The following LRMDA variants were observed in gnomAD, a reference collection of about 807,000 sequenced individuals.
LRMDA encodes the protein leucine rich melanocyte differentiation associated.
In LRMDA, 18 loss-of-function variants were observed where a neutral mutation model predicts 29.8. The observed-to-expected ratio is 0.60, with a 90% confidence interval of 0.42 to 0.90. The LOEUF is 0.90. Among genes scored for constraint, LRMDA ranks in the 40% least tolerant of loss-of-function variants. The pLI, the probability that LRMDA is intolerant of heterozygous loss-of-function variation, is 0.00. For synonymous variants in LRMDA, 125 were observed against 109.4 expected (o/e 1.14, Z -0.89); for missense variants, 273 against 273.9 (o/e 1.00, Z 0.02).
chr10:76,007,767 C>T (rs1847698471), intron 2 of LRMDA, among the ~76,000 whole-genome samples: 1 of 152,120 alleles, frequency 6.6e-6, no homozygotes, highest in Non-Finnish European at 1.5e-5. Flanking sequence ...GATGCTCTTC[C>T]AAAGGATTTA....
At chr10:75,932,151 T>C (rs1043212839) in intron 2 of LRMDA, among the ~76,000 whole-genome samples, 12 of 152,248 alleles carry the variant, frequency 7.9e-5, no homozygotes, top group African/African-American at 2.9e-4. Flanking sequence ...TCTTTTGTTT[T>C]TTCCCTGTGG....
At chr10:75,965,533 T>C (rs190762423) in intron 2 of LRMDA, among the ~76,000 whole-genome samples, 2 of 152,240 alleles carry the variant, frequency 1.3e-5, no homozygotes, top group African/African-American at 4.8e-5. Context: ...GCATCCCAAT[T>C]CCATGAGTGG....
At chr10:76,459,086 A>G (rs1842486905) in intron 6 of LRMDA, among the ~76,000 whole-genome samples, 1 of 152,190 alleles carries the variant, frequency 6.6e-6, no homozygotes, top group Non-Finnish European at 1.5e-5. Flanking sequence ...TCAATGAACT[A>G]AAAAATATCC....
chr10:75,983,180 C>G (rs966359903), intron 2 of LRMDA, among the ~76,000 whole-genome samples: 2 of 152,156 alleles, frequency 1.3e-5, no homozygotes, highest in African/African-American at 2.4e-5. Flanking sequence ...GCCATCGAAG[C>G]CTGCCAGGAC....
At chr10:76,184,070 G>A (rs113090875) in intron 5 of LRMDA, among the ~76,000 whole-genome samples, 19,984 of 146,030 alleles carry the variant, frequency 0.14, 2,172 homozygotes, top group African/African-American at 0.3. Context: ...TTACTCTGTT[G>A]CCCAGGCTGG....
chr10:75,882,449 C>G (rs868380791), intron 2 of LRMDA, among the ~76,000 whole-genome samples: 1 of 152,154 alleles, frequency 6.6e-6, no homozygotes, highest in Admixed American at 6.5e-5. Context: ...GAAATGAGGA[C>G]AGCAGCTATA....
chr10:75,908,097 A>G, intron 2 of LRMDA, among the ~76,000 whole-genome samples: 1 of 152,090 alleles, frequency 6.6e-6, no homozygotes, highest in Admixed American at 6.5e-5. Context: ...ATTTTTACAG[A>G]TTTTCCATAG....
chr10:76,363,314 A>AG (rs1229129312), intron 6 of LRMDA, among the ~76,000 whole-genome samples: 9 of 151,522 alleles, frequency 5.9e-5, no homozygotes, highest in African/African-American at 7.3e-5. Flanking sequence ...GAAGGGAGGA[A>AG]GGAAAAAGAA....
chr10:75,695,694 C>T (rs191150870), intron 2 of LRMDA, among the ~76,000 whole-genome samples: 204 of 152,294 alleles, frequency 1.3e-3, no homozygotes, highest in Non-Finnish European at 2.6e-3. Flanking sequence ...GTGTCTTAGC[C>T]TGTAATATTA....
At chr10:75,704,047 G>A (rs1207813466) in intron 2 of LRMDA, among the ~76,000 whole-genome samples, 1 of 152,152 alleles carries the variant, frequency 6.6e-6, no homozygotes, top group Non-Finnish European at 1.5e-5. Context: ...TTAGCAAAGG[G>A]TTTGCATTTC....
chr10:75,910,298 G>T (rs1845822571), intron 2 of LRMDA, among the ~76,000 whole-genome samples: 1 of 152,150 alleles, frequency 6.6e-6, no homozygotes, highest in African/African-American at 2.4e-5. Flanking sequence ...TGATGTTCAA[G>T]AGCTGGGTTC....
intron 5 of LRMDA, among the ~76,000 whole-genome samples, chr10:76,124,116 ACT>A (rs1334420705): frequency 1.3e-5 from 2 of 151,696 alleles, no homozygotes; most frequent in Non-Finnish European, 2.9e-5. Context: ...CCCAACCATG[ACT>A]CTCTGTGTCT....
intron 2 of LRMDA, among the ~76,000 whole-genome samples, chr10:75,545,011 G>A (rs546608173): frequency 4.5e-4 from 68 of 152,208 alleles, no homozygotes; most frequent in Non-Finnish European, 2.5e-4. Flanking sequence ...TTTTTCCTGT[G>A]TTTTCAGTAT....
intron 5 of LRMDA, among the ~76,000 whole-genome samples, chr10:76,292,304 G>T (rs1305002850): frequency 6.6e-6 from 1 of 152,156 alleles, no homozygotes; most frequent in Non-Finnish European, 1.5e-5. Flanking sequence ...TTGGCAGAAG[G>T]GAAAATAAAG....
At chr10:75,974,131 C>T (rs983479277) in intron 2 of LRMDA, among the ~76,000 whole-genome samples, 1 of 152,152 alleles carries the variant, frequency 6.6e-6, no homozygotes, top group Non-Finnish European at 1.5e-5. Flanking sequence ...CAGTTTTCTT[C>T]TTCTTTCTTC....
rs138265068 is a variant in LRMDA, at chr10:75,658,247, A to G, written c.131+219753A>G. 6.7e-5 allele frequency among the ~76,000 whole-genome samples: 10 copies of G among 149,866 alleles called. No individual in the cohort carries two copies. The East Asian group carries it at 1.6e-3, about 24-fold the overall frequency. ...TTTTTCACTGCACGCTGTGTGAATG[A>G]GATCCTTGTTGGAACTCTAGAGTTG... On this transcript the variant is annotated intron_variant, in intron 2 of 6. Coordinates refer to ENST00000611255, the MANE Select transcript of LRMDA (RefSeq NM_001305581.2).
chr10:76,375,096 A>G (rs1841500204), intron 6 of LRMDA, among the ~76,000 whole-genome samples: 1 of 152,164 alleles, frequency 6.6e-6, no homozygotes, highest in Non-Finnish European at 1.5e-5. Flanking sequence ...AACTGCTAAA[A>G]GTTCAGTATA....
intron 6 of LRMDA, among the ~76,000 whole-genome samples, chr10:76,389,372 A>G (rs1841697228): frequency 6.6e-6 from 1 of 152,212 alleles, no homozygotes; most frequent in African/African-American, 2.4e-5. Flanking sequence ...CACCATACTG[A>G]GAGATCACCA....
chr10:76,260,123 C>T lies in LRMDA; in HGVS notation c.517-64278C>T, dbSNP rs540650742. 3.2e-4 allele frequency among the ~76,000 whole-genome samples: 48 copies of T among 152,024 alleles called. 1 individual carries two copies. The highest frequency in any genetic ancestry group is 9.9e-4 in the African/African-American group (41 of 41,508). On this transcript the variant is annotated intron_variant, in intron 5 of 6. Transcript: ENST00000611255. ...GAGGACTTACTCTTGTCATTTTATTCGTTGTTTCCTGGTTGTTTGGTATAT... is the reference window on the plus strand; with the variant it reads ...GAGGACTTACTCTTGTCATTTTATTTGTTGTTTCCTGGTTGTTTGGTATAT...
Sources: gnomAD v4.1 joint callset for allele counts (sites outside exome capture counted in the v4.1 genomes callset) on GRCh38, gnomAD v4.1.1 for gene constraint, MANE v1.5 for transcripts, NCBI Gene and HGNC (gene_info 2026-07-23, HGNC 2026-07-21) for gene names.